UBE2F: variants seen among roughly 807,000 people sequenced by gnomAD.
UBE2F encodes ubiquitin conjugating enzyme E2 F (putative).
In UBE2F, 5 loss-of-function variants were observed where a neutral mutation model predicts 29.6. That is an observed-to-expected ratio of 0.17 (90% confidence interval 0.09 to 0.36). The LOEUF (loss-of-function observed/expected upper bound fraction) is 0.36. Among genes scored for constraint, UBE2F ranks in the 10% least tolerant of loss-of-function variants. UBE2F has a pLI of 1.00. For missense variants in UBE2F, 141 were observed against 228.5 expected (o/e 0.62, Z 2.47); for synonymous variants, 66 against 81.8 (o/e 0.81, Z 1.04).
chr2:238,015,438 A>G (rs2064129919), intron 4 of UBE2F, among the ~76,000 whole-genome samples: 1 of 152,210 alleles, frequency 6.6e-6, no homozygotes, highest in African/African-American at 2.4e-5. Flanking sequence ...TTTTAGCCTC[A>G]CTAGTATTCA....
At chr2:238,002,257 T>C (rs2063810719) in intron 4 of UBE2F, among the ~76,000 whole-genome samples, 1 of 150,914 alleles carries the variant, frequency 6.6e-6, no homozygotes, top group African/African-American at 2.5e-5. Context: ...CTTTCTGTTT[T>C]GTTTTTGTTT....
intron 4 of UBE2F, among the ~76,000 whole-genome samples, chr2:238,013,777 A>C (rs1455720321): frequency 6.6e-6 from 1 of 152,204 alleles, no homozygotes; most frequent in African/African-American, 2.4e-5. Context: ...AAAGAGGAGG[A>C]TAATTCCTCT....
At chr2:237,983,854 C>T (rs1306164829) in intron 2 of UBE2F, among the ~76,000 whole-genome samples, 3 of 152,096 alleles carry the variant, frequency 2.0e-5, no homozygotes, top group East Asian at 1.9e-4. Context: ...TCCTGCTTTT[C>T]GGCATGTTTC....
At chr2:238,006,759 C>CTTTTTTTTTTTTTTTTT (rs60514924) in intron 4 of UBE2F, among the ~76,000 whole-genome samples, 57 of 125,564 alleles carry the variant, frequency 4.5e-4, no homozygotes, top group African/African-American at 1.6e-3. Flanking sequence ...TTTCTTTTTT[C>CTTTTTTTTTTTTTTTTT]TTTTTTTTTT....
At chr2:237,970,835 G>A (rs2063162392) in intron 1 of UBE2F, among the ~76,000 whole-genome samples, 1 of 152,210 alleles carries the variant, frequency 6.6e-6, no homozygotes, top group Non-Finnish European at 1.5e-5. Flanking sequence ...AGCCTCCTGA[G>A]TAGCTGGGAT....
At position 237,967,512 on chromosome 2, in the gene UBE2F, G is replaced by T. The variant is rs2063081561; in HGVS notation, c.-17+380G>T. ...TCACGCCCCACTCGCGGGATCGGCTGCCTGCCTTGTACGGAGGAAGCGGGG... is the reference window on the plus strand; with the variant it reads ...TCACGCCCCACTCGCGGGATCGGCTTCCTGCCTTGTACGGAGGAAGCGGGG... On this transcript the variant is annotated intron_variant, in intron 1 of 9. Transcript: ENST00000272930. This position sits in a 1 kb window ranked among gnomAD's most constrained non-coding sequence, Gnocchi z 6.3. Among the ~76,000 whole-genome samples the T allele has an allele frequency of 1.3e-5, 2 of 152,138 alleles. No individual in the cohort carries two copies. The highest frequency in any genetic ancestry group is 2.9e-5 in the Non-Finnish European group (2 of 68,014).
chr2:237,974,267 C>T (rs1173492412), intron 2 of UBE2F, among the ~76,000 whole-genome samples: 1 of 151,876 alleles, frequency 6.6e-6, no homozygotes, highest in Non-Finnish European at 1.5e-5. Flanking sequence ...AAGCAATTCT[C>T]CTGCCTCAGC....
rs2063068656 is a variant in UBE2F, at chr2:237,967,061, T to G, written c.-88T>G. 1.5e-6 allele frequency: 2 copies of G among 1,317,544 alleles called. No homozygotes were observed. Among genetic ancestry groups the G allele is most frequent in the Non-Finnish European group, 1.9e-6 (2 of 1,033,280 alleles). The allele number at this position is 1,317,544 out of a possible 1,614,324, so 81.6% of individuals were successfully genotyped here. On this transcript the variant is annotated 5_prime_UTR_variant, in exon 1 of 10. Transcript: ENST00000272930. The surrounding 1 kb of genome is among the most constrained non-coding windows in gnomAD (Gnocchi z 6.3). ...GCCGGTGCGGCTGTGAGGGGCCGCG[T>G]CTCGCAGCAGCCGCCCGGACCGGGC...
intron 3 of UBE2F, among the ~76,000 whole-genome samples, chr2:237,992,625 A>C (rs2063612724): frequency 6.6e-6 from 1 of 152,180 alleles, no homozygotes; most frequent in Non-Finnish European, 1.5e-5. Context: ...TTAAGTACTG[A>C]AAGGAAATGA....
At chr2:238,023,745 C>T (rs1198675632) in intron 5 of UBE2F, among the ~76,000 whole-genome samples, 3 of 152,102 alleles carry the variant, frequency 2.0e-5, no homozygotes, top group African/African-American at 7.2e-5. Flanking sequence ...GCATATTAAC[C>T]AAGGGGACCT....
chr2:238,017,274 A>C (rs113262978), intron 5 of UBE2F, among the ~76,000 whole-genome samples: 8 of 152,282 alleles, frequency 5.3e-5, no homozygotes, highest in East Asian at 1.9e-4. Context: ...ATCACTTTGG[A>C]AAGTGGTCAG....
chr2:238,037,011 T>A (rs2064726924), intron 9 of UBE2F, among the ~76,000 whole-genome samples: 1 of 152,300 alleles, frequency 6.6e-6, no homozygotes, highest in Non-Finnish European at 1.5e-5. Flanking sequence ...TGTTTTTAAT[T>A]TTTATTTATT....
chr2:237,973,155 G>A lies in UBE2F; in HGVS notation c.48G>A (p.Gly16=). 6.2e-7 allele frequency: 1 copy of A among 1,614,078 alleles called. No homozygotes were observed. The highest frequency in any genetic ancestry group is 8.5e-7 in the Non-Finnish European group (1 of 1,179,952). The change falls in exon 2 of 10, where the codon GGG becomes GGA. Residue 16 remains glycine, a synonymous_variant. Transcript: ENST00000272930. ...SKLKRDDGLK[G]SRTAATASDS... The stretch of plus-strand genomic sequence containing the variant: ...TGAAGCGTGACGATGGTCTCAAAGG[G>A]TCCCGGACGGCAGCCACAGCGTCCG...
chr2:238,022,488 T>C (rs1303593735), intron 5 of UBE2F, among the ~76,000 whole-genome samples: 2 of 152,214 alleles, frequency 1.3e-5, no homozygotes, highest in Non-Finnish European at 2.9e-5. Flanking sequence ...TGTTTTGCAT[T>C]TGCCGTCTTT....
rs2063068073 is a variant in UBE2F, at chr2:237,967,050, G to A, written c.-99G>A. On this transcript the variant is annotated 5_prime_UTR_variant, in exon 1 of 10. Transcript: ENST00000272930. The surrounding 1 kb of genome is among the most constrained non-coding windows in gnomAD (Gnocchi z 6.3). ...CGCCGCCGGGAGCCGGTGCGGCTGT[G>A]AGGGGCCGCGTCTCGCAGCAGCCGC... The A allele has an allele frequency of 5.3e-6, 7 of 1,314,674 alleles. No individual in the cohort carries two copies. The highest frequency in any genetic ancestry group is 2.9e-6 in the Non-Finnish European group (3 of 1,031,832). 81.4% of individuals were successfully genotyped at this position (1,314,674 alleles called of 1,614,324 possible).
intron 2 of UBE2F, among the ~76,000 whole-genome samples, chr2:237,987,480 C>T (rs1397537768): frequency 6.6e-6 from 1 of 152,138 alleles, no homozygotes; most frequent in Non-Finnish European, 1.5e-5. Flanking sequence ...TGGGCTTAAA[C>T]ACCAAATGAA....
At chr2:238,008,015 A>G (rs1321390510) in intron 4 of UBE2F, among the ~76,000 whole-genome samples, 1 of 152,078 alleles carries the variant, frequency 6.6e-6, no homozygotes, top group African/African-American at 2.4e-5. Flanking sequence ...GCACAGTGGC[A>G]CGATCACGCC....
chr2:237,986,221 C>A, intron 2 of UBE2F: 1 of 320,916 alleles, frequency 3.1e-6, no homozygotes, highest in Non-Finnish European at 6.0e-6. Flanking sequence ...GTGGTCCCGG[C>A]TTACTGCAGC....
At chr2:237,986,137 C>CTT in intron 2 of UBE2F, 1 of 307,578 alleles carries the variant, frequency 3.3e-6, no homozygotes, top group South Asian at 2.3e-5. Context: ...ACTACCTTTT[C>CTT]TTTTCTTTTT....
Sources: gnomAD v4.1 joint callset for allele counts (sites outside exome capture counted in the v4.1 genomes callset) on GRCh38, gnomAD v4.1.1 for gene constraint, Gnocchi (gnomAD v3.1) non-coding constraint, MANE v1.5 for transcripts, NCBI Gene and HGNC (gene_info 2026-07-23, HGNC 2026-07-21) for gene names.